HOXA3: variants seen among roughly 807,000 people sequenced by gnomAD.
The protein encoded by HOXA3 is homeobox protein Hox-A3.
In HOXA3, 8 loss-of-function variants were observed where a neutral mutation model predicts 30.3. The observed-to-expected ratio is 0.26, with a 90% CI of 0.15 to 0.48. HOXA3 has a LOEUF of 0.48. HOXA3 is among the 20% of genes least tolerant of loss of function. HOXA3 has a pLI of 0.99. For synonymous variants in HOXA3, 323 were observed against 273.1 expected (o/e 1.18, Z -1.80); for missense variants, 653 against 614.4 (o/e 1.06, Z -0.66).
chr7:27,123,218 A>C (rs1235423703), intron 3 of HOXA3: 1 of 152,274 alleles, frequency 6.6e-6, no homozygotes, highest in East Asian at 1.9e-4. Flanking sequence ...TGGTTTATTC[A>C]ACTCTGGGTG....
At chr7:27,143,002 C>T (rs1782628018) in intron 1 of HOXA3, 5 of 1,459,748 alleles carry the variant, frequency 3.4e-6, no homozygotes, top group Non-Finnish European at 3.7e-6. Flanking sequence ...GACCGAGAGC[C>T]GCGTCCCCGC....
In HOXA3 at chr7:27,107,064, G is replaced by A. The variant is rs1481750875; in HGVS notation, c.*851C>T. 6.6e-6 allele frequency: 1 copy of A among 152,620 alleles called. No homozygotes were observed. Among genetic ancestry groups the A allele is most frequent in the East Asian group, 1.9e-4 (1 of 5,202 alleles). The allele number at this position is 152,620 out of a possible 1,614,324, so 9.5% of individuals were successfully genotyped here. On this transcript the variant is annotated 3_prime_UTR_variant, in exon 6 of 6. Transcript: ENST00000612286. ...TGTTTCTCAGAATGTGAGCAGCAAG[G>A]AATGAAGAACTCTCAAAACAAATCT...
rs1562727117 is a variant in HOXA3, at chr7:27,140,059, AAAGCGCTCAGGAGGC to A, written c.-390+9_-390+23del. ...AGTTTCCAAAGTACAAATAAACTTGAAAGCGCTCAGGAGGCGAGCTTACCTTAACTCGGAGGGAGC... is the reference window on the plus strand; with the variant it reads ...AGTTTCCAAAGTACAAATAAACTTGAGAGCTTACCTTAACTCGGAGGGAGC... On this transcript the variant is annotated intron_variant, in intron 2 of 5. Coordinates refer to ENST00000612286, the MANE Select transcript of HOXA3 (RefSeq NM_153631.3). 6.9e-6 allele frequency: 1 copy of A among 145,340 alleles called. No homozygotes were observed. The highest frequency in any genetic ancestry group is 1.5e-5 in the Non-Finnish European group (1 of 67,194). The allele number at this position is 145,340 out of a possible 1,614,324, so 9.0% of individuals were successfully genotyped here. A position where few individuals can be genotyped will look rare whatever the true frequency, so the allele number is the denominator to read the frequency against.
chr7:27,112,872 T>C (rs1784455644), intron 4 of HOXA3, among the ~76,000 whole-genome samples: 1 of 152,262 alleles, frequency 6.6e-6, no homozygotes. Context: ...TTAAGCCTTT[T>C]TATCAAGTTG....
intron 1 of HOXA3, among the ~76,000 whole-genome samples, chr7:27,144,459 G>A (rs2128061278): frequency 6.6e-6 from 1 of 152,162 alleles, no homozygotes; most frequent in Non-Finnish European, 1.5e-5. Flanking sequence ...TTTTTCTTTC[G>A]TGTGAATATG....
At chr7:27,127,327 TCAGAGA>T (rs940183714) in intron 2 of HOXA3, among the ~76,000 whole-genome samples, 17 of 152,322 alleles carry the variant, frequency 1.1e-4, no homozygotes, top group African/African-American at 3.9e-4. Context: ...TCTTGGCTCT[TCAGAGA>T]CTGGTATCTA....
At chr7:27,139,867 C>G (rs773900498) in intron 2 of HOXA3, among the ~76,000 whole-genome samples, 1 of 152,164 alleles carries the variant, frequency 6.6e-6, no homozygotes, top group Non-Finnish European at 1.5e-5. Flanking sequence ...AAAGTTAGGC[C>G]TGGGGATGCG....
chr7:27,145,999 A>C (rs1583411317), intron 1 of HOXA3: 1 of 1,502,452 alleles, frequency 6.7e-7, no homozygotes. Flanking sequence ...CACAAGAGGC[A>C]CCCAGACTAG....
chr7:27,112,903 C>G (rs1025253863), intron 4 of HOXA3, among the ~76,000 whole-genome samples: 2 of 152,158 alleles, frequency 1.3e-5, no homozygotes, highest in Non-Finnish European at 2.9e-5. Flanking sequence ...TACAAAATAA[C>G]AAAAATATCT....
intron 4 of HOXA3, among the ~76,000 whole-genome samples, chr7:27,118,975 G>A (rs1291254088): frequency 6.6e-6 from 1 of 152,210 alleles, no homozygotes; most frequent in African/African-American, 2.4e-5. Flanking sequence ...TAGGAAAGAT[G>A]TGCTTGGCTA....
chr7:27,134,304 A>C (rs776711628), intron 2 of HOXA3: 1 of 152,222 alleles, frequency 6.6e-6, no homozygotes, highest in Non-Finnish European at 1.5e-5. Context: ...CAACGCAGGG[A>C]TGAGGACTGA....
chr7:27,138,684 G>T (rs1173844490), intron 2 of HOXA3, among the ~76,000 whole-genome samples: 2 of 152,208 alleles, frequency 1.3e-5, no homozygotes, highest in Non-Finnish European at 2.9e-5. Flanking sequence ...GCCAGAAGGG[G>T]TGACTGGGGC....
At chr7:27,142,136 C>A in intron 1 of HOXA3, 1 of 1,583,322 alleles carries the variant, frequency 6.3e-7, no homozygotes, top group Non-Finnish European at 8.6e-7. Context: ...CTTCCAAAGT[C>A]CGCCAGGGGG....
At position 27,145,690 on chromosome 7, in the gene HOXA3, C is replaced by A. The variant is rs1189764085; in HGVS notation, c.-493-5504G>T. On this transcript the variant is annotated intron_variant, in intron 1 of 5. Coordinates refer to ENST00000612286, the MANE Select transcript of HOXA3 (RefSeq NM_153631.3). ...CCCGCCTTTGCCTCTGAGTCCTCCC[C>A]GCTGGGCTGCGTGGAATTGATGAGC... 6.2e-7 allele frequency: 1 copy of A among 1,614,036 alleles called. No individual in the cohort carries two copies. Among genetic ancestry groups the A allele is most frequent in the African/African-American group, 1.3e-5 (1 of 74,928 alleles).
intron 2 of HOXA3, chr7:27,130,657 T>C: frequency 6.2e-7 from 1 of 1,605,216 alleles, no homozygotes; most frequent in Non-Finnish European, 8.5e-7. Flanking sequence ...CGAGCCGCTG[T>C]GCTGCGCGTA....
chr7:27,147,602 T>G (rs747316620), intron 1 of HOXA3: 1 of 1,614,220 alleles, frequency 6.2e-7, no homozygotes, highest in East Asian at 2.2e-5. Context: ...GTGTACGTCT[T>G]GTCCGGGAGA....
chr7:27,121,347 G>A (rs1267574287), intron 4 of HOXA3, among the ~76,000 whole-genome samples: 1 of 151,096 alleles, frequency 6.6e-6, no homozygotes, highest in Non-Finnish European at 1.5e-5. Context: ...GACACGTGTG[G>A]ATGTGTATAT....
rs767668046 is a variant in HOXA3, at chr7:27,107,888, T to C, written c.*27A>G. The C allele has an allele frequency of 2.5e-6, 3 of 1,213,938 alleles. No homozygotes were observed. The highest frequency in any genetic ancestry group is 3.0e-5 in the South Asian group (2 of 66,528). 75.2% of individuals were successfully genotyped at this position (1,213,938 alleles called of 1,614,324 possible). ...AAAAAAGGTGGGTGGGGGGAGACTC[T>C]CCTGGCGCGTAGCCCCAAGCCCACT... On this transcript the variant is annotated 3_prime_UTR_variant, in exon 6 of 6. Transcript: ENST00000612286.
intron 1 of HOXA3, among the ~76,000 whole-genome samples, chr7:27,146,792 G>A (rs1283240191): frequency 1.3e-5 from 2 of 152,040 alleles, no homozygotes; most frequent in East Asian, 3.9e-4. Context: ...AGGGAGGAGA[G>A]AGAAAAAAAT....
Sources: gnomAD v4.1 joint callset for allele counts (sites outside exome capture counted in the v4.1 genomes callset) on GRCh38, gnomAD v4.1.1 for gene constraint, MANE v1.5 for transcripts, NCBI Gene and HGNC (gene_info 2026-07-23, HGNC 2026-07-21) for gene names.